Variants in GRM5 observed in about 807,000 individuals in gnomAD.
The protein encoded by GRM5 is glutamate metabotropic receptor 5.
In GRM5, 19 loss-of-function variants were observed where a neutral mutation model predicts 83.1. The observed-to-expected ratio is 0.23, with a 90% CI of 0.16 to 0.34. The LOEUF (loss-of-function observed/expected upper bound fraction) is 0.34. GRM5 is among the 10% of genes least tolerant of loss of function. The probability of loss-of-function intolerance (pLI) is 1.00; values close to 1 mark genes in which losing one functional copy is unlikely to be tolerated. For synonymous variants in GRM5, 675 were observed against 633.6 expected (o/e 1.07, Z -0.98); for missense variants, 1,160 against 1,588.3 (o/e 0.73, Z 4.58).
At chr11:88,843,096 T>G (rs766493671) in intron 3 of GRM5, among the ~76,000 whole-genome samples, 4 of 152,172 alleles carry the variant, frequency 2.6e-5, no homozygotes, top group African/African-American at 4.8e-5. Flanking sequence ...TCCACAGATA[T>G]TGCATTTTTT....
intron 3 of GRM5, among the ~76,000 whole-genome samples, chr11:88,703,674 C>T (rs1941088820): frequency 6.6e-6 from 1 of 152,004 alleles, no homozygotes; most frequent in Non-Finnish European, 1.5e-5. Context: ...AGTATCTACC[C>T]CTACCAACTC....
chr11:88,831,141 T>A (rs1339473937), intron 3 of GRM5, among the ~76,000 whole-genome samples: 1 of 152,178 alleles, frequency 6.6e-6, no homozygotes, highest in Non-Finnish European at 1.5e-5. Context: ...AGGTACCATT[T>A]TGAGAGCCCA....
intron 2 of GRM5, among the ~76,000 whole-genome samples, chr11:88,862,848 A>G (rs1232380496): frequency 6.6e-6 from 1 of 152,014 alleles, no homozygotes; most frequent in East Asian, 1.9e-4. Context: ...ATAGGGAAAA[A>G]TGTTTACAAT....
chr11:88,564,101 C>T (rs575527524), intron 8 of GRM5, among the ~76,000 whole-genome samples: 5 of 152,268 alleles, frequency 3.3e-5, no homozygotes, highest in Admixed American at 1.3e-4. Context: ...CAGGTTCTAG[C>T]TTGAATATGC....
chr11:89,027,323 T>C (rs1249999989), intron 2 of GRM5, among the ~76,000 whole-genome samples: 6 of 151,604 alleles, frequency 4.0e-5, no homozygotes, highest in Admixed American at 2.0e-4. Flanking sequence ...CTCAATCTCT[T>C]GACCTCGTGA....
chr11:88,826,286 T>C (rs1287867625), intron 3 of GRM5, among the ~76,000 whole-genome samples: 1 of 152,108 alleles, frequency 6.6e-6, no homozygotes, highest in African/African-American at 2.4e-5. Flanking sequence ...AGATGGTTTC[T>C]TCATTGTACT....
At chr11:88,965,647 GTA>G (rs34139759) in intron 2 of GRM5, among the ~76,000 whole-genome samples, 17,484 of 151,928 alleles carry the variant, frequency 0.12, 3,263 homozygotes, top group African/African-American at 0.39. Context: ...TCAGAACCAG[GTA>G]TATATCATCA....
rs1276507823 is a variant in GRM5, at chr11:89,065,782, CGCGCCCTGAGCCTT to C, written c.-221_-208del. Reference sequence around the variant, plus strand: ...AAAAAGGCGCTGTGCTTACCAGGTGCGCGCCCTGAGCCTTGCGCCCCCAGGCAGCCGCTCCTCGA... The same window carrying C: ...AAAAAGGCGCTGTGCTTACCAGGTGCGCGCCCCCAGGCAGCCGCTCCTCGA... On this transcript the variant is annotated 5_prime_UTR_variant, in exon 1 of 10. Transcript: ENST00000305447. The C allele has an allele frequency of 6.6e-6, 1 of 152,288 alleles. No homozygotes were observed. Among genetic ancestry groups the C allele is most frequent in the Admixed American group, 6.5e-5 (1 of 15,284 alleles). The allele number at this position is 152,288 out of a possible 1,614,324, so 9.4% of individuals were successfully genotyped here.
intron 1 of GRM5, among the ~76,000 whole-genome samples, chr11:89,051,279 A>G (rs1347238598): frequency 1.3e-5 from 2 of 151,202 alleles, no homozygotes; most frequent in Non-Finnish European, 2.9e-5. Flanking sequence ...AAAAATATAC[A>G]GAAGAATGAA....
intron 2 of GRM5, among the ~76,000 whole-genome samples, chr11:88,854,745 T>C (rs1324866655): frequency 6.6e-6 from 1 of 151,876 alleles, no homozygotes; most frequent in East Asian, 1.9e-4. Flanking sequence ...AATATACCCA[T>C]GTAACAAACC....
At chr11:88,811,392 G>A (rs1943586320) in intron 3 of GRM5, among the ~76,000 whole-genome samples, 1 of 152,056 alleles carries the variant, frequency 6.6e-6, no homozygotes, top group African/African-American at 2.4e-5. Flanking sequence ...CAGAAACTCA[G>A]TTTGAATATT....
intron 3 of GRM5, among the ~76,000 whole-genome samples, chr11:88,838,444 C>T (rs1455152574): frequency 2.0e-5 from 3 of 152,114 alleles, no homozygotes; most frequent in Non-Finnish European, 2.9e-5. Flanking sequence ...CTTCTGAAAG[C>T]TACCTATTAA....
At chr11:88,724,951 G>T (rs971356435) in intron 3 of GRM5, among the ~76,000 whole-genome samples, 5 of 152,122 alleles carry the variant, frequency 3.3e-5, no homozygotes, top group African/African-American at 1.2e-4. Context: ...CAGGGTTTTG[G>T]GTTTCAAGCA....
chr11:88,548,453 C>A (rs1942430875), intron 8 of GRM5, among the ~76,000 whole-genome samples: 1 of 152,148 alleles, frequency 6.6e-6, no homozygotes, highest in Non-Finnish European at 1.5e-5. Flanking sequence ...AAAAAATCCA[C>A]TGTAATCACA....
At chr11:88,581,530 G>C (rs766682699) in intron 7 of GRM5, among the ~76,000 whole-genome samples, 1 of 152,218 alleles carries the variant, frequency 6.6e-6, no homozygotes, top group African/African-American at 2.4e-5. Context: ...TTGCAGATTG[G>C]TATTTTATGC....
intron 4 of GRM5, among the ~76,000 whole-genome samples, chr11:88,620,238 G>T (rs560984453): frequency 2.0e-5 from 3 of 152,240 alleles, no homozygotes; most frequent in Admixed American, 2.0e-4. Flanking sequence ...GTTTATCTTG[G>T]ATCTTCCATA....
intron 3 of GRM5, among the ~76,000 whole-genome samples, chr11:88,655,055 G>C (rs779754545): frequency 1.1e-4 from 16 of 151,960 alleles, no homozygotes; most frequent in Non-Finnish European, 1.9e-4. Flanking sequence ...AAAGAACACT[G>C]TTTTTCTCTA....
chr11:88,829,156 A>G (rs1274386067), intron 3 of GRM5, among the ~76,000 whole-genome samples: 1 of 142,394 alleles, frequency 7.0e-6, no homozygotes, highest in African/African-American at 2.8e-5. Flanking sequence ...TAATAGAAAA[A>G]CAATGTAATC....
intron 2 of GRM5, among the ~76,000 whole-genome samples, chr11:88,914,126 A>G (rs1372489785): frequency 6.6e-6 from 1 of 152,132 alleles, no homozygotes; most frequent in Non-Finnish European, 1.5e-5. Flanking sequence ...GTTAGCATAC[A>G]TTTTGGACAT....
Sources: allele counts gnomAD v4.1 joint callset (sites outside exome capture counted in the v4.1 genomes callset), GRCh38; gene constraint gnomAD v4.1.1; transcripts MANE v1.5; gene names NCBI Gene and HGNC (gene_info 2026-07-23, HGNC 2026-07-21).